Variants in HERPUD2 observed in about 807,000 individuals in gnomAD.
The protein encoded by HERPUD2 is homocysteine-responsive endoplasmic reticulum-resident ubiquitin-like domain member 2 protein.
In HERPUD2, 13 loss-of-function variants were observed where a neutral mutation model predicts 49.9. The ratio of observed to expected loss-of-function variants is 0.26; its 90% CI spans 0.17 to 0.41. The LOEUF (loss-of-function observed/expected upper bound fraction) is 0.41, where lower values mean the gene tolerates loss of function less well. Ranked by LOEUF, HERPUD2 falls within the 10% of genes least tolerant of loss-of-function variation. The pLI, the probability that HERPUD2 is intolerant of heterozygous loss-of-function variation, is 1.00. For synonymous variants in HERPUD2, 172 were observed against 171.4 expected (o/e 1.00, Z -0.03); for missense variants, 449 against 492.2 (o/e 0.91, Z 0.83).
At chr7:35,661,622 TTC>T (rs1785423947) in intron 5 of HERPUD2, among the ~76,000 whole-genome samples, 1 of 152,226 alleles carries the variant, frequency 6.6e-6, no homozygotes. Context: ...AGGTATTTTA[TTC>T]TCTTTGAAGC....
chr7:35,660,766 T>A (rs1262573691), intron 5 of HERPUD2, among the ~76,000 whole-genome samples: 1 of 152,236 alleles, frequency 6.6e-6, no homozygotes, highest in Non-Finnish European at 1.5e-5. Context: ...TCTTCATAGA[T>A]TCTGGATATT....
intron 5 of HERPUD2, among the ~76,000 whole-genome samples, chr7:35,665,512 C>G (rs943891529): frequency 2.0e-5 from 3 of 152,254 alleles, no homozygotes; most frequent in African/African-American, 7.2e-5. Context: ...CAGGTGCAGT[C>G]TCTCACGGCT....
chr7:35,668,798 C>T (rs986034487), intron 4 of HERPUD2, among the ~76,000 whole-genome samples: 13 of 152,058 alleles, frequency 8.5e-5, no homozygotes, highest in Middle Eastern at 3.2e-3. Context: ...CATCATAATA[C>T]GGTGTTCATT....
chr7:35,664,038 T>A (rs1323010619), intron 5 of HERPUD2, among the ~76,000 whole-genome samples: 1 of 152,224 alleles, frequency 6.6e-6, no homozygotes, highest in Non-Finnish European at 1.5e-5. Context: ...TACCGGTTGT[T>A]CCTTTCCGTG....
chr7:35,633,647 T>C lies in HERPUD2; in HGVS notation c.*43A>G. 1 of 1,573,428 alleles carries C rather than the reference T, an allele frequency of 6.4e-7. No individual in the cohort carries two copies. Among genetic ancestry groups the C allele is most frequent in the Non-Finnish European group, 8.6e-7 (1 of 1,159,738 alleles). On this transcript the variant is annotated 3_prime_UTR_variant, in exon 9 of 9. Coordinates refer to ENST00000311350, the MANE Select transcript of HERPUD2 (RefSeq NM_022373.5). The stretch of plus-strand genomic sequence containing the variant: ...AATTGCACTGTTATTTAAACCACTT[T>C]CCTGAAGTCAGACCCTCCTTGTAGC...
intron 2 of HERPUD2, among the ~76,000 whole-genome samples, chr7:35,674,091 C>T (rs1327831840): frequency 6.6e-6 from 1 of 151,854 alleles, no homozygotes; most frequent in African/African-American, 2.4e-5. Context: ...AAATCCAAGT[C>T]ACAACTATAA....
At chr7:35,661,372 G>A (rs968974114) in intron 5 of HERPUD2, among the ~76,000 whole-genome samples, 1 of 152,066 alleles carries the variant, frequency 6.6e-6, no homozygotes, top group Non-Finnish European at 1.5e-5. Context: ...GCTCTTTTTT[G>A]GTTCCATATG....
At chr7:35,690,049 T>C (rs1257197073) in intron 2 of HERPUD2, among the ~76,000 whole-genome samples, 1 of 152,178 alleles carries the variant, frequency 6.6e-6, no homozygotes, top group Non-Finnish European at 1.5e-5. Context: ...AATAACTAAG[T>C]CTAAACTCAG....
intron 5 of HERPUD2, among the ~76,000 whole-genome samples, chr7:35,641,924 G>T (rs779484589): frequency 3.9e-5 from 6 of 152,074 alleles, no homozygotes; most frequent in Admixed American, 2.6e-4. Context: ...TCATGACAAA[G>T]ATGCCAAAGC....
intron 5 of HERPUD2, among the ~76,000 whole-genome samples, chr7:35,660,710 C>T (rs1785397800): frequency 6.6e-6 from 1 of 152,174 alleles, no homozygotes; most frequent in Non-Finnish European, 1.5e-5. Context: ...ACTTTGCCCA[C>T]TTGTTGATGG....
At chr7:35,639,125 T>A (rs1784924465) in intron 5 of HERPUD2, among the ~76,000 whole-genome samples, 1 of 151,992 alleles carries the variant, frequency 6.6e-6, no homozygotes, top group African/African-American at 2.4e-5. Flanking sequence ...GCCTCCTGGA[T>A]TCAAGCAATT....
chr7:35,687,825 A>G (rs1483313293), intron 2 of HERPUD2, among the ~76,000 whole-genome samples: 1 of 152,284 alleles, frequency 6.6e-6, no homozygotes, highest in African/African-American at 2.4e-5. Flanking sequence ...AGCCAACAAT[A>G]CTTTTATATT....
At position 35,633,156 on chromosome 7, in the gene HERPUD2, T is replaced by C. The variant is rs1390326103; in HGVS notation, c.*534A>G. ...ATCTCAGCTCACTGCAACCTCCGCC[T>C]CCTGGGTTCAGGCAATTCTCCTGCC... is the stretch of plus-strand genomic sequence containing the variant. On this transcript the variant is annotated 3_prime_UTR_variant, in exon 9 of 9. Transcript: ENST00000311350. 1.3e-5 allele frequency: 2 copies of C among 151,382 alleles called. No individual in the cohort carries two copies. The highest frequency in any genetic ancestry group is 4.9e-5 in the African/African-American group (2 of 41,134). 9.4% of individuals were successfully genotyped at this position (151,382 alleles called of 1,614,324 possible). A position where few individuals can be genotyped will look rare whatever the true frequency, so the allele number is the denominator to read the frequency against.
chr7:35,635,382 C>T lies in HERPUD2; in HGVS notation c.694G>A (p.Ala232Thr). The change falls in exon 7 of 9, where the codon GCA becomes ACA. Residue 232 changes from alanine (A) to threonine (T), a missense_variant. Ala to Thr is a moderately conservative substitution (Grantham distance 58). Coordinates refer to ENST00000311350, the MANE Select transcript of HERPUD2 (RefSeq NM_022373.5). ...GGGGGTTCTTCTCCAGGAACATGTGCCAAATTTAGAGGCTGTGAAGTAGTA... is the reference window on the plus strand; with the variant it reads ...GGGGGTTCTTCTCCAGGAACATGTGTCAAATTTAGAGGCTGTGAAGTAGTA... ...QPTTSQPLNL[A>T]HVPGEEPPPA... 1 of 1,613,988 alleles carries T rather than the reference C, an allele frequency of 6.2e-7. No individual in the cohort carries two copies. The highest frequency in any genetic ancestry group is 8.5e-7 in the Non-Finnish European group (1 of 1,179,994).
chr7:35,663,915 T>C (rs1785484643), intron 5 of HERPUD2, among the ~76,000 whole-genome samples: 1 of 152,216 alleles, frequency 6.6e-6, no homozygotes, highest in South Asian at 2.1e-4. Flanking sequence ...TATTATTATG[T>C]GTGAATTTGA....
intron 7 of HERPUD2, 125 bp downstream of exon 7, chr7:35,635,010 C>G: frequency 1.5e-6 from 1 of 662,202 alleles, no homozygotes; most frequent in Non-Finnish European, 2.5e-6. Context: ...CAAAAACATG[C>G]CAGATATCTA....
At chr7:35,656,380 A>G (rs887086303) in intron 5 of HERPUD2, among the ~76,000 whole-genome samples, 1 of 152,146 alleles carries the variant, frequency 6.6e-6, no homozygotes, top group Non-Finnish European at 1.5e-5. Context: ...AAGAGCTCAT[A>G]TCATTAAAAT....
chr7:35,665,733 G>A (rs553254969), intron 5 of HERPUD2, among the ~76,000 whole-genome samples: 31 of 152,268 alleles, frequency 2.0e-4, no homozygotes, highest in African/African-American at 6.5e-4. Context: ...CCATCTTGGC[G>A]CCACCTATTT....
rs201529201 is a variant in HERPUD2 at position 35,637,160 on chromosome 7, AAGATAGATAGATAGAT to A, written c.617+1174_617+1189del. On this transcript the variant is annotated intron_variant, in intron 6 of 8. Transcript: ENST00000311350. ...AAAAAAAGAAAGAAAGAAAGAAAGA[AAGATAGATAGATAGAT>A]AGATAGATAGATAGATAGATAGATA... 1.2e-3 allele frequency among the ~76,000 whole-genome samples: 176 copies of A among 144,190 alleles called. No individual in the cohort carries two copies. In the Middle Eastern group the frequency reaches 0.014, roughly 12 times the overall value. The allele number at this position is 144,190 out of a possible 152,430, so 94.6% of individuals were successfully genotyped here.
Sources: gnomAD v4.1 joint callset for allele counts (sites outside exome capture counted in the v4.1 genomes callset) on GRCh38, gnomAD v4.1.1 for gene constraint, MANE v1.5 for transcripts, NCBI Gene and HGNC (gene_info 2026-07-23, HGNC 2026-07-21) for gene names.